DENND2B: variants seen among roughly 807,000 people sequenced by gnomAD.
The protein encoded by DENND2B is DENN domain containing 2B.
Under a neutral mutation model 116.0 loss-of-function variants are expected in DENND2B, and 32 were observed. The observed-to-expected ratio is 0.28, with a 90% CI of 0.21 to 0.37. DENND2B has a LOEUF of 0.37. DENND2B is among the 10% of genes least tolerant of loss of function. The probability of loss-of-function intolerance (pLI) is 1.00; values close to 1 mark genes in which losing one functional copy is unlikely to be tolerated. For synonymous variants in DENND2B, 588 were observed against 583.9 expected, an observed-to-expected ratio of 1.01 and a Z score of -0.10; for missense variants, 1,276 against 1,477.7, an observed-to-expected ratio of 0.86 and a Z score of 2.24.
chr11:8,863,479 C>T (rs551363381), intron 2 of DENND2B, among the ~76,000 whole-genome samples: 1 of 151,960 alleles, frequency 6.6e-6, no homozygotes, highest in South Asian at 2.1e-4. Flanking sequence ...GAGATCCGCT[C>T]GCCTCGGCCT....
Position 8,712,688 on chromosome 11 carries a change from G to C in DENND2B, c.2035C>G (p.Pro679Ala). ...VHIQSMLKRA[P>A]SYRTLELELL... ...TCCAGCTCCAGCGTGCGATAGCTGG[G>C]GGCGCGCTTCAGCATCGACTGGATG... The change falls in exon 9 of 20, where the codon CCC becomes GCC. Residue 679 changes from proline to alanine, a missense_variant. Coordinates refer to ENST00000313726, the MANE Select transcript of DENND2B (RefSeq NM_213618.2). This position sits in a 1 kb window ranked among gnomAD's most constrained non-coding sequence, Gnocchi z 4.4. 1 of 1,611,916 alleles carries C rather than the reference G, an allele frequency of 6.2e-7. No homozygotes were observed.
chr11:8,813,534 TGAGAAAGAA>T (rs2061465447), upstream of DENND2B, among the ~76,000 whole-genome samples: 2 of 152,206 alleles, frequency 1.3e-5, no homozygotes, highest in Non-Finnish European at 2.9e-5. Context: ...GTCTCCATCC[TGAGAAAGAA>T]GGGGTGATCC....
chr11:8,799,647 T>C (rs1056946709), intron 1 of DENND2B, among the ~76,000 whole-genome samples: 3 of 150,140 alleles, frequency 2.0e-5, no homozygotes, highest in Admixed American at 1.3e-4. Flanking sequence ...GGTGTGATCA[T>C]TGCGCAGGAC....
chr11:8,740,882 CTT>C (rs1363492585), intron 2 of DENND2B, among the ~76,000 whole-genome samples: 4 of 152,188 alleles, frequency 2.6e-5, no homozygotes, highest in Admixed American at 2.0e-4. Context: ...AAGCCATACT[CTT>C]GAGCGTGGAG....
In DENND2B at chr11:8,730,655, G is replaced by A; in HGVS notation, c.635C>T (p.Ser212Phe). Residue 212 changes from serine (S) to phenylalanine (F), a missense_variant, in exon 3 of 20, where the codon TCC becomes TTC. Ser to Phe is a radical substitution (Grantham distance 155, BLOSUM62 -2). Around this residue, in one of 2 missense-constraint regions of DENND2B, gnomAD observed 856 missense variants for 846.6 expected, o/e 1.01. Coordinates refer to ENST00000313726, the MANE Select transcript of DENND2B (RefSeq NM_213618.2). The surrounding 1 kb of genome is among the most constrained non-coding windows in gnomAD (Gnocchi z 4.1). The part of the protein sequence containing the change: ...PSLGCPSVVP[S>F]PCSSEKTFDF... The stretch of plus-strand genomic sequence containing the variant: ...AAAGGTCTTTTCAGAGCTGCAGGGG[G>A]ACGGCACCACGCTGGGACAGCCCAG... 1 of 1,612,640 alleles carries A rather than the reference G, an allele frequency of 6.2e-7. No individual in the cohort carries two copies. The highest frequency in any genetic ancestry group is 8.5e-7 in the Non-Finnish European group (1 of 1,179,868).
At chr11:8,864,485 G>T (rs552649296) in intron 2 of DENND2B, among the ~76,000 whole-genome samples, 2 of 152,092 alleles carry the variant, frequency 1.3e-5, no homozygotes, top group African/African-American at 2.4e-5. Context: ...GCCCAGGCAG[G>T]TCTCAAACTC....
At chr11:8,836,704 C>T (rs995914655) in intron 4 of DENND2B, among the ~76,000 whole-genome samples, 1 of 151,674 alleles carries the variant, frequency 6.6e-6, no homozygotes, top group East Asian at 1.9e-4. Context: ...TAGGTGTGAC[C>T]CACCGCGCCC....
intron 1 of DENND2B, among the ~76,000 whole-genome samples, chr11:8,769,743 T>C (rs2056527700): frequency 6.6e-6 from 1 of 152,120 alleles, no homozygotes; most frequent in African/African-American, 2.4e-5. Flanking sequence ...CCACCCAGCT[T>C]TACCACTGTT....
chr11:8,845,369 A>G (rs778301115), intron 3 of DENND2B: 2 of 152,212 alleles, frequency 1.3e-5, no homozygotes, highest in African/African-American at 2.4e-5. Context: ...AAATTTTGCT[A>G]TAGCAATATC....
At chr11:8,879,137 GCAGGGC>G (rs1330383247) in intron 2 of DENND2B, among the ~76,000 whole-genome samples, 26 of 152,286 alleles carry the variant, frequency 1.7e-4, no homozygotes, top group African/African-American at 6.3e-4. Context: ...GTGCAGTTAG[GCAGGGC>G]CATGTGACTG....
chr11:8,718,144 C>T (rs1393600084), intron 4 of DENND2B: 17 of 579,650 alleles, frequency 2.9e-5, no homozygotes, highest in South Asian at 1.1e-4. Context: ...CTCAGCCTGG[C>T]CTCTGCTTTA....
chr11:8,712,667 G>T lies in DENND2B; in HGVS notation c.2056C>A (p.Leu686Met). 1 of 1,607,364 alleles carries T rather than the reference G, an allele frequency of 6.2e-7. No homozygotes were observed. Among genetic ancestry groups the T allele is most frequent in the Non-Finnish European group, 8.5e-7 (1 of 1,177,412 alleles). ...KRAPSYRTLE[L>M]ELLEWQEREL... ...CGCTCCTGCCACTCCAGCAGCTCCA[G>T]CTCCAGCGTGCGATAGCTGGGGGCG... The change falls in exon 9 of 20, where the codon CTG becomes ATG. Residue 686 changes from leucine (L) to methionine (M), a missense_variant. Coordinates refer to ENST00000313726, the MANE Select transcript of DENND2B (RefSeq NM_213618.2). The surrounding 1 kb of genome is among the most constrained non-coding windows in gnomAD (Gnocchi z 4.4).
intron 1 of DENND2B, chr11:8,810,218 T>G (rs961239964): frequency 8.5e-5 from 13 of 152,214 alleles, no homozygotes; most frequent in African/African-American, 3.1e-4. Context: ...TATAAAAGAT[T>G]CTTCCTGTAA....
chr11:8,806,916 TTTTTC>T (rs939569126), intron 1 of DENND2B, among the ~76,000 whole-genome samples: 1 of 150,910 alleles, frequency 6.6e-6, no homozygotes, highest in African/African-American at 2.4e-5. Flanking sequence ...GTCTTTTTTT[TTTTTC>T]TTTTTCTTTT....
intron 2 of DENND2B, among the ~76,000 whole-genome samples, chr11:8,735,019 C>T (rs1181091624): frequency 7.5e-4 from 10 of 13,274 alleles, no homozygotes; most frequent in South Asian, 3.2e-3. Flanking sequence ...GGCGGGAGGG[C>T]GGGGAGTAAA....
At position 8,789,172 on chromosome 11, in the gene DENND2B, T is replaced by A. The variant is rs74379193; in HGVS notation, c.-26+21345A>T. Among the ~76,000 whole-genome samples, 548 of 152,150 alleles carry A rather than the reference T, an allele frequency of 3.6e-3. 1 individual carries two copies. Among genetic ancestry groups the A allele is most frequent in the Non-Finnish European group, 6.7e-3 (455 of 67,990 alleles). ...GAGTTTGCTTCACAAAATTCAGTGG[T>A]AAAAAAGGAAGAGTACTGGACAAGA... On this transcript the variant is annotated intron_variant, in intron 1 of 19. Coordinates refer to ENST00000313726, the MANE Select transcript of DENND2B (RefSeq NM_213618.2).
chr11:8,769,626 C>A (rs1183048838), intron 1 of DENND2B, among the ~76,000 whole-genome samples: 1 of 152,144 alleles, frequency 6.6e-6, no homozygotes, highest in Admixed American at 6.5e-5. Flanking sequence ...ACACCTGCTG[C>A]TCATGGGACC....
At chr11:8,813,087 T>C (rs183340835), upstream of DENND2B, among the ~76,000 whole-genome samples, 6 of 152,352 alleles carry the variant, frequency 3.9e-5, no homozygotes, top group Non-Finnish European at 5.9e-5. Flanking sequence ...CCCAGCCTGA[T>C]AGAATCTTTA....
At chr11:8,815,185 CCCT>C (rs1214085374), upstream of DENND2B, among the ~76,000 whole-genome samples, 1 of 152,030 alleles carries the variant, frequency 6.6e-6, no homozygotes, top group East Asian at 1.9e-4. Context: ...ACCTCCTCTC[CCCT>C]CCATGGTGCA....
Sources: allele counts gnomAD v4.1 joint callset (sites outside exome capture counted in the v4.1 genomes callset), GRCh38; gene constraint gnomAD v4.1.1; regional missense constraint gnomAD v4.1.1; non-coding constraint Gnocchi (gnomAD v3.1); transcripts MANE v1.5; gene names NCBI Gene and HGNC (gene_info 2026-07-23, HGNC 2026-07-21).